ABCA5: variants seen among roughly 807,000 people sequenced by gnomAD.
The protein encoded by ABCA5 is cholesterol transporter ABCA5.
Under a neutral mutation model 206.0 loss-of-function variants are expected in ABCA5, and 163 were observed. The observed-to-expected ratio is 0.79, with a 90% CI of 0.70 to 0.90. ABCA5 has a LOEUF of 0.90. Ranked by LOEUF, ABCA5 falls within the 40% of genes least tolerant of loss-of-function variation. The probability of loss-of-function intolerance (pLI) is 0.00; values close to 1 mark genes in which losing one functional copy is unlikely to be tolerated. For synonymous variants in ABCA5, 609 were observed against 613.8 expected (o/e 0.99, Z 0.11); for missense variants, 1,859 against 1,912.9 (o/e 0.97, Z 0.53).
chr17:69,296,118 T>C (rs1598188220), intron 10 of ABCA5, among the ~76,000 whole-genome samples: 1 of 152,210 alleles, frequency 6.6e-6, no homozygotes, highest in Admixed American at 6.5e-5. Flanking sequence ...AAGGGGGATA[T>C]AAACCAGATG....
intron 14 of ABCA5, among the ~76,000 whole-genome samples, chr17:69,288,520 C>T (rs1328358565): frequency 6.6e-6 from 1 of 151,774 alleles, no homozygotes; most frequent in Admixed American, 6.6e-5. Flanking sequence ...GCTACCATTC[C>T]AATTCAGCAA....
At chr17:69,248,350 C>A in intron 37 of ABCA5, 33 bp from the exon 38 acceptor site, 1 of 1,346,160 alleles carries the variant, frequency 7.4e-7, no homozygotes, top group Non-Finnish European at 1.0e-6. Flanking sequence ...TTTTACTTAT[C>A]AATATCTGAA....
chr17:69,267,840 T>C (rs2144928098), intron 23 of ABCA5, 103 bp downstream of exon 23: 1 of 514,066 alleles, frequency 1.9e-6, no homozygotes, highest in East Asian at 3.2e-5. Flanking sequence ...CATTTACTTA[T>C]TTCTGAAATA....
intron 19 of ABCA5, 127 bp downstream of exon 19, chr17:69,277,512 TAC>T (rs2075346903): frequency 5.9e-6 from 4 of 682,572 alleles, no homozygotes; most frequent in Non-Finnish European, 9.0e-6. Flanking sequence ...ATTGTGAAAT[TAC>T]AGTGGTAATC....
At chr17:69,294,306 TG>T (rs1365150829) in intron 11 of ABCA5, among the ~76,000 whole-genome samples, 1 of 152,046 alleles carries the variant, frequency 6.6e-6, no homozygotes, top group African/African-American at 2.4e-5. Flanking sequence ...GCGAACCACC[TG>T]AGGTCAGGAG....
chr17:69,253,370 ATAT>A (rs2144894431), intron 34 of ABCA5, among the ~76,000 whole-genome samples, 200 bp downstream of exon 34: 1 of 152,312 alleles, frequency 6.6e-6, no homozygotes, highest in East Asian at 1.9e-4. Context: ...AATATGTAAA[ATAT>A]TATGAACACT....
chr17:69,301,222 G>C lies in ABCA5; in HGVS notation c.1184C>G (p.Pro395Arg). The C allele has an allele frequency of 3.1e-6, 5 of 1,603,770 alleles. No individual in the cohort carries two copies. Among genetic ancestry groups the C allele is most frequent in the Non-Finnish European group, 4.2e-6 (5 of 1,177,246 alleles). ...GAGCATGATAATTGTAATAATTAGA[G>C]GATATGGGCCTGCAGTCAAATTTGA... ...SFSNLTAGPY[P>R]LIITIIMLTL... Residue 395 changes from proline (P) to arginine (R), a missense_variant, in exon 9 of 39, where the codon CCT (proline) becomes CGT (arginine). Transcript: ENST00000392676.
In ABCA5 at chr17:69,326,741, G is replaced by A. The variant is rs1598216686; in HGVS notation, c.-16+311C>T. Among the ~76,000 whole-genome samples the A allele has an allele frequency of 6.6e-6, 1 of 152,122 alleles. No individual in the cohort carries two copies. The highest frequency in any genetic ancestry group is 1.9e-4 in the East Asian group (1 of 5,184). ...GTCCCGAAGTCCCACGGCCGGACCC[G>A]GTCCCAGGGGAGCCTCGCGGAGCCC... On this transcript the variant is annotated intron_variant, in intron 1 of 38. Coordinates refer to ENST00000392676, the MANE Select transcript of ABCA5 (RefSeq NM_172232.4). The surrounding 1 kb of genome is among the most constrained non-coding windows in gnomAD (Gnocchi z 4.8).
At chr17:69,287,795 A>C in intron 14 of ABCA5, 44 bp from the exon 15 acceptor site, 1 of 1,577,230 alleles carries the variant, frequency 6.3e-7, no homozygotes. Flanking sequence ...CCTCAGAAAA[A>C]CTAAATATTA....
chr17:69,314,472 C>T (rs2075798043), intron 1 of ABCA5, 42 bp from the exon 2 acceptor site: 1 of 1,186,776 alleles, frequency 8.4e-7, no homozygotes, highest in African/African-American at 1.5e-5. Context: ...CGGAGCCACG[C>T]AGTAAACTGC....
At chr17:69,312,589 T>G (rs1194593214) in intron 3 of ABCA5, among the ~76,000 whole-genome samples, 1 of 152,104 alleles carries the variant, frequency 6.6e-6, no homozygotes, top group African/African-American at 2.4e-5. Flanking sequence ...TTTTTTATTG[T>G]TATAGATGGG....
intron 37 of ABCA5, chr17:69,249,696 TAAAA>T: frequency 1.8e-6 from 1 of 555,752 alleles, no homozygotes; most frequent in Non-Finnish European, 3.0e-6. Flanking sequence ...ATTAAATGAA[TAAAA>T]GGTTATCTTC....
chr17:69,270,735 C>T lies in ABCA5; in HGVS notation c.2908G>A (p.Ala970Thr). The T allele has an allele frequency of 6.5e-7, 1 of 1,549,868 alleles. No individual in the cohort carries two copies. The highest frequency in any genetic ancestry group is 2.2e-5 in the Admixed American group (1 of 45,998). The change falls in exon 22 of 39, where the codon GCT (alanine) becomes ACT (threonine). Residue 970 changes from alanine to threonine, a missense_variant. Physicochemically the swap from Ala to Thr is moderately conservative, Grantham distance 58. Coordinates refer to ENST00000392676, the MANE Select transcript of ABCA5 (RefSeq NM_172232.4). ...TAAACCATAGTACTGTTGAAAACAG[C>T]TGCAAAAACATAGTCCTACAATTAA... ...MHSEKDYVFA[A>T]VFNSTMVYSL...
At chr17:69,251,576 C>A in intron 35 of ABCA5, 171 bp downstream of exon 35, 2 of 766,902 alleles carry the variant, frequency 2.6e-6, no homozygotes, top group South Asian at 3.0e-5. Context: ...AGTAGACAGC[C>A]ATATTTTTAA....
intron 1 of ABCA5, among the ~76,000 whole-genome samples, chr17:69,318,155 A>T (rs989881567): frequency 6.6e-6 from 1 of 150,960 alleles, no homozygotes; most frequent in Non-Finnish European, 1.5e-5. Flanking sequence ...TCTTTTGTCC[A>T]GGCTGGAGTG....
In ABCA5 at chr17:69,286,034, C is replaced by A; in HGVS notation, c.2136G>T (p.Met712Ile). The change falls in exon 17 of 39, where the codon ATG becomes ATT. Residue 712 changes from methionine to isoleucine, a missense_variant. Met to Ile is a conservative substitution (Grantham distance 10). Coordinates refer to ENST00000392676, the MANE Select transcript of ABCA5 (RefSeq NM_172232.4). ...SKWGIGYRLS[M>I]YIDKYCATES... ...CTGTGGCACAATATTTGTCTATGTA[C>A]ATGCTAGAGAATACCAAAAATCACA... 1 of 1,607,966 alleles carries A rather than the reference C, an allele frequency of 6.2e-7. No individual in the cohort carries two copies. The highest frequency in any genetic ancestry group is 8.5e-7 in the Non-Finnish European group (1 of 1,178,370).
At chr17:69,282,980 CTTTTTTTTTTT>C (rs1048269473) in intron 18 of ABCA5, among the ~76,000 whole-genome samples, 9 of 112,980 alleles carry the variant, frequency 8.0e-5, no homozygotes, top group Non-Finnish European at 1.4e-4. Flanking sequence ...TGTTCTTTCC[CTTTTTTTTTTT>C]TTTTTTTTTT....
intron 12 of ABCA5, among the ~76,000 whole-genome samples, chr17:69,290,727 A>C (rs1476830178): frequency 6.6e-6 from 1 of 152,134 alleles, no homozygotes; most frequent in Non-Finnish European, 1.5e-5. Context: ...TACTGTCATA[A>C]TATGGAGCTA....
chr17:69,274,752 T>C (rs1485448555), intron 19 of ABCA5, among the ~76,000 whole-genome samples: 1 of 151,762 alleles, frequency 6.6e-6, no homozygotes, highest in Non-Finnish European at 1.5e-5. Flanking sequence ...TAGTTATAAC[T>C]GTTAAAACAC....
Sources: allele counts gnomAD v4.1 joint callset (sites outside exome capture counted in the v4.1 genomes callset), GRCh38; gene constraint gnomAD v4.1.1; non-coding constraint Gnocchi (gnomAD v3.1); transcripts MANE v1.5; gene names NCBI Gene and HGNC (gene_info 2026-07-23, HGNC 2026-07-21).